Variants in NPRL3 observed in about 807,000 individuals in gnomAD.
NPRL3 encodes the protein GATOR1 complex protein NPRL3.
NPRL3 carries 23 observed loss-of-function variants against 57.2 expected under a neutral mutation model. The ratio of observed to expected loss-of-function variants is 0.40; its 90% CI spans 0.29 to 0.57. The LOEUF (loss-of-function observed/expected upper bound fraction) is 0.57, where lower values mean the gene tolerates loss of function less well. Ranked by LOEUF, NPRL3 falls within the 20% of genes least tolerant of loss-of-function variation. The probability of loss-of-function intolerance (pLI) is 0.42; values close to 1 mark genes in which losing one functional copy is unlikely to be tolerated. For synonymous variants in NPRL3, 333 were observed against 321.1 expected, an observed-to-expected ratio of 1.04 and a Z score of -0.39; for missense variants, 691 against 767.1, an observed-to-expected ratio of 0.90 and a Z score of 1.17.
intron 2 of NPRL3, among the ~76,000 whole-genome samples, chr16:136,902 A>G (rs1567151347): frequency 1.3e-5 from 2 of 151,996 alleles, no homozygotes; most frequent in Non-Finnish European, 2.9e-5. Flanking sequence ...ATTTTAAAAC[A>G]AAATACAAAA....
Position 85,841 on chromosome 16 carries a change from A to G in NPRL3, c.*864T>C. 15 of 1,410,922 alleles carry G rather than the reference A, an allele frequency of 1.1e-5. No homozygotes were observed. Among genetic ancestry groups the G allele is most frequent in the Non-Finnish European group, 1.3e-5 (14 of 1,080,026 alleles). The allele number at this position is 1,410,922 out of a possible 1,614,324, so 87.4% of individuals were successfully genotyped here. On this transcript the variant is annotated 3_prime_UTR_variant, in exon 14 of 14. Coordinates refer to ENST00000611875, the MANE Select transcript of NPRL3 (RefSeq NM_001077350.3). ...AAAACCGAATAAATGTTTTATTTCT[A>G]GAAAACTGTGCCTTAGCCAGAGCTC...
At chr16:93,160 C>T in intron 10 of NPRL3, 59 bp downstream of exon 10, 1 of 1,144,026 alleles carries the variant, frequency 8.7e-7, no homozygotes, top group East Asian at 2.6e-5. Flanking sequence ...CTGGAGGGCC[C>T]TGCCAGCCTC....
chr16:124,392 G>A (rs900907509), intron 3 of NPRL3, among the ~76,000 whole-genome samples: 16 of 151,520 alleles, frequency 1.1e-4, no homozygotes, highest in Non-Finnish European at 1.2e-4. Context: ...AAAGAGACAG[G>A]GTCTCACAAT....
At chr16:87,020 C>A (rs1898506026) in intron 13 of NPRL3, 150 bp from the exon 14 acceptor site, 1 of 794,418 alleles carries the variant, frequency 1.3e-6, no homozygotes, top group African/African-American at 1.7e-5. Context: ...CACAGCCCCC[C>A]AACAAGGGTG....
Position 116,939 on chromosome 16 carries a change from C to G in NPRL3, c.393+362G>C, listed in dbSNP as rs1341514581. Among the ~76,000 whole-genome samples the G allele has an allele frequency of 3.3e-5, 5 of 151,318 alleles. No homozygotes were observed. The East Asian group carries it at 9.7e-4, about 29-fold the overall frequency. On this transcript the variant is annotated intron_variant, in intron 5 of 13. Coordinates refer to ENST00000611875, the MANE Select transcript of NPRL3 (RefSeq NM_001077350.3). Reference sequence around the variant, plus strand: ...GCATTGAGCCAAGATTGCGCTACTACACTCCAGCCTGGGTGACACAGCGAG... The same window carrying G: ...GCATTGAGCCAAGATTGCGCTACTAGACTCCAGCCTGGGTGACACAGCGAG...
intron 3 of NPRL3, among the ~76,000 whole-genome samples, chr16:121,603 G>A (rs1434025487): frequency 1.4e-5 from 2 of 143,846 alleles, no homozygotes; most frequent in African/African-American, 2.5e-5. Flanking sequence ...CTGGGTGACA[G>A]AGCGAAACTC....
intron 2 of NPRL3, among the ~76,000 whole-genome samples, chr16:135,142 T>C (rs7186760): frequency 0.011 from 1,672 of 152,304 alleles, 32 homozygotes; most frequent in African/African-American, 0.038. Flanking sequence ...AATTATTCAA[T>C]AAAATTATGT....
chr16:95,350 TACACACAC>T (rs142854412), intron 9 of NPRL3, among the ~76,000 whole-genome samples: 15,580 of 110,714 alleles, frequency 0.14, 1,152 homozygotes, highest in South Asian at 0.3. Context: ...TATATATATA[TACACACAC>T]ACACACACAC....
At chr16:131,597 CAAAAAAAAAAA>C (rs59373757) in intron 2 of NPRL3, among the ~76,000 whole-genome samples, 2 of 69,718 alleles carry the variant, frequency 2.9e-5, no homozygotes, top group South Asian at 6.1e-4. Context: ...GACTCAGTCT[CAAAAAAAAAAA>C]AAAAAAAAAA....
chr16:106,126 T>C (rs996412347), intron 7 of NPRL3, among the ~76,000 whole-genome samples: 2 of 151,578 alleles, frequency 1.3e-5, no homozygotes, highest in African/African-American at 4.9e-5. Context: ...CTGGCCAACA[T>C]GGTGAAACTC....
intron 2 of NPRL3, among the ~76,000 whole-genome samples, chr16:130,988 T>C (rs1439879892): frequency 6.6e-6 from 1 of 152,252 alleles, no homozygotes; most frequent in Non-Finnish European, 1.5e-5. Flanking sequence ...ATGTAATTAA[T>C]GCCACTTAAT....
At chr16:117,517 G>A (rs1040508704) in intron 4 of NPRL3, 142 bp from the exon 5 acceptor site, 13 of 622,166 alleles carry the variant, frequency 2.1e-5, no homozygotes, top group Non-Finnish European at 3.6e-5. Flanking sequence ...TTGCTCTGGA[G>A]GCGTGCCTAC....
At chr16:92,540 A>G in intron 11 of NPRL3, 56 bp downstream of exon 11, 2 of 1,581,284 alleles carry the variant, frequency 1.3e-6, no homozygotes, top group Non-Finnish European at 8.6e-7. Context: ...CCAGGCAGGT[A>G]GTGCCTATCC....
intron 3 of NPRL3, among the ~76,000 whole-genome samples, chr16:119,966 C>T (rs1348739974): frequency 6.6e-6 from 1 of 152,138 alleles, no homozygotes; most frequent in Non-Finnish European, 1.5e-5. Flanking sequence ...GGAGGGCATC[C>T]CTTTTCCCCT....
Position 110,778 on chromosome 16 carries a change from G to C in NPRL3, c.548-172C>G, listed in dbSNP as rs570080612. Reference sequence around the variant, plus strand: ...TTGGCCAGGCTGGTCTCGAACTCCTGTCCTCAAGTGATCCATCCACCTTGG... The same window carrying C: ...TTGGCCAGGCTGGTCTCGAACTCCTCTCCTCAAGTGATCCATCCACCTTGG... On this transcript the variant is annotated intron_variant, in intron 6 of 13. Coordinates refer to ENST00000611875, the MANE Select transcript of NPRL3 (RefSeq NM_001077350.3). 2.6e-5 allele frequency among the ~76,000 whole-genome samples: 4 copies of C among 152,230 alleles called. No individual in the cohort carries two copies. In the South Asian group the frequency reaches 8.3e-4, roughly 32 times the overall value.
intron 7 of NPRL3, among the ~76,000 whole-genome samples, chr16:102,870 A>G (rs1001236328): frequency 1.3e-5 from 2 of 152,280 alleles, no homozygotes; most frequent in Non-Finnish European, 2.9e-5. Context: ...GGGCAGACAG[A>G]GGCTCCCAGA....
chr16:102,538 C>G (rs1345302370), intron 7 of NPRL3, among the ~76,000 whole-genome samples: 1 of 152,246 alleles, frequency 6.6e-6, no homozygotes, highest in Non-Finnish European at 1.5e-5. Context: ...TTCTACAGCA[C>G]CTCCCCGCAT....
chr16:133,110 G>A (rs918444220), intron 2 of NPRL3, among the ~76,000 whole-genome samples: 2 of 152,162 alleles, frequency 1.3e-5, no homozygotes, highest in Non-Finnish European at 2.9e-5. Flanking sequence ...GCCTTTTTCT[G>A]GATTAGGCTT....
intron 4 of NPRL3, among the ~76,000 whole-genome samples, chr16:117,892 G>T (rs940331485): frequency 1.3e-5 from 2 of 152,232 alleles, no homozygotes; most frequent in Non-Finnish European, 2.9e-5. Flanking sequence ...GCATTCCAAG[G>T]GGCACGGGGG....
Sources: gnomAD v4.1 joint callset for allele counts (sites outside exome capture counted in the v4.1 genomes callset) on GRCh38, gnomAD v4.1.1 for gene constraint, MANE v1.5 for transcripts, NCBI Gene and HGNC (gene_info 2026-07-23, HGNC 2026-07-21) for gene names.